The following EGF variants were observed in gnomAD, a reference collection of about 807,000 sequenced individuals.
EGF encodes epidermal growth factor, also known as pro-epidermal growth factor.
EGF carries 95 observed loss-of-function variants against 143.8 expected under a neutral mutation model. That is an observed-to-expected ratio of 0.66 (90% CI 0.56 to 0.78). EGF has a LOEUF of 0.78. EGF is among the 30% of genes least tolerant of loss of function. The probability of loss-of-function intolerance (pLI) is 0.00; values close to 1 mark genes in which losing one functional copy is unlikely to be tolerated. For missense variants in EGF, 1,320 were observed against 1,470.9 expected (o/e 0.90, Z 1.68); for synonymous variants, 510 against 510.5 (o/e 1.00, Z 0.01).
Position 109,941,152 on chromosome 4 carries a change from T to C in EGF, c.327+7T>C, listed in dbSNP as rs372956449. ...GAATGGGTCAAGGCAAGAGGTAAAATACCCTTACCTACAGTGTTTGAGCTG... is the reference window on the plus strand; with the variant it reads ...GAATGGGTCAAGGCAAGAGGTAAAACACCCTTACCTACAGTGTTTGAGCTG... On this transcript the variant is annotated splice_region_variant and intron_variant, in intron 2 of 23. Transcript: ENST00000265171. The C allele has an allele frequency of 1.9e-6, 3 of 1,612,902 alleles. No individual in the cohort carries two copies. The African/African-American group carries it at 4.0e-5, about 22-fold the overall frequency.
chr4:109,962,778 A>G lies in EGF; in HGVS notation c.1313-395A>G, dbSNP rs41521844. ...ATTGTGGAAATGTTTTAAAAAATCAACATATGGGCTGAGTGCAGTGGCTCA... is the reference window on the plus strand; with the variant it reads ...ATTGTGGAAATGTTTTAAAAAATCAGCATATGGGCTGAGTGCAGTGGCTCA... On this transcript the variant is annotated intron_variant, in intron 8 of 23. Coordinates refer to ENST00000265171, the MANE Select transcript of EGF (RefSeq NM_001963.6). Among the ~76,000 whole-genome samples, 135 of 152,284 alleles carry G rather than the reference A, an allele frequency of 8.9e-4. No individual in the cohort carries two copies. In the Middle Eastern group the frequency reaches 0.024, roughly 27 times the overall value.
chr4:109,931,511 C>T (rs549195192), intron 1 of EGF, among the ~76,000 whole-genome samples: 11 of 152,264 alleles, frequency 7.2e-5, no homozygotes, highest in African/African-American at 1.2e-4. Context: ...CACTAGATTG[C>T]GATTGCAGTA....
intron 11 of EGF, among the ~76,000 whole-genome samples, chr4:109,974,221 A>G (rs1748116148): frequency 1.3e-5 from 2 of 152,178 alleles, no homozygotes; most frequent in African/African-American, 4.8e-5. Context: ...ATGCCAAGGG[A>G]CAATTTTACT....
In EGF at chr4:109,957,301, A is replaced by T. The variant is rs536951835; in HGVS notation, c.941-2011A>T. 3.9e-5 allele frequency among the ~76,000 whole-genome samples: 6 copies of T among 152,318 alleles called. No homozygotes were observed. The South Asian group carries it at 1.2e-3, about 32-fold the overall frequency. On this transcript the variant is annotated intron_variant, in intron 5 of 23. Coordinates refer to ENST00000265171, the MANE Select transcript of EGF (RefSeq NM_001963.6). ...CCCCTGACGGATCAGGAGAGAGATG[A>T]TAGCCAAATCCCCAAACAGGTCAGC...
In EGF at chr4:109,993,311, G is replaced by A. The variant is rs1751299443; in HGVS notation, c.2799G>A (p.Glu933=). ...AGAATGCCAGCTGCACAAATACAGA[G>A]GGAGGCTATACCTGCATGTGTGCTG... is the stretch of plus-strand genomic sequence containing the variant. ...CGENASCTNT[E]GGYTCMCAGR... Residue 933 remains glutamate (E), a synonymous_variant, in exon 19 of 24, where the codon GAG becomes GAA. Transcript: ENST00000265171. 1.2e-6 allele frequency: 2 copies of A among 1,613,788 alleles called. No individual in the cohort carries two copies. Among genetic ancestry groups the A allele is most frequent in the South Asian group, 1.1e-5 (1 of 91,078 alleles).
At chr4:109,953,949 C>T (rs1458276295) in intron 5 of EGF, among the ~76,000 whole-genome samples, 1 of 152,144 alleles carries the variant, frequency 6.6e-6, no homozygotes, top group Non-Finnish European at 1.5e-5. Flanking sequence ...CTTGTATTTT[C>T]CATCTTCCTG....
At chr4:109,938,560 G>A (rs1173193882) in intron 1 of EGF, among the ~76,000 whole-genome samples, 13 of 152,186 alleles carry the variant, frequency 8.5e-5, no homozygotes, top group Admixed American at 8.5e-4. Context: ...TTCCCTTGCT[G>A]GCAAGGAATT....
intron 1 of EGF, among the ~76,000 whole-genome samples, chr4:109,918,742 T>A (rs901914438): frequency 3.3e-5 from 5 of 152,196 alleles, no homozygotes; most frequent in African/African-American, 1.2e-4. Context: ...GGACAGACTT[T>A]ACCTGAAGGT....
intron 8 of EGF, 87 bp downstream of exon 8, chr4:109,962,072 G>T: frequency 6.3e-7 from 1 of 1,584,340 alleles, no homozygotes; most frequent in Non-Finnish European, 8.6e-7. Flanking sequence ...TGTTGTCAAG[G>T]AAGAATTGAT....
At chr4:109,984,845 A>G (rs1749906380) in intron 16 of EGF, among the ~76,000 whole-genome samples, 1 of 152,202 alleles carries the variant, frequency 6.6e-6, no homozygotes, top group African/African-American at 2.4e-5. Context: ...GTTCTGGAAA[A>G]CTTCATTAAC....
chr4:109,965,590 A>G (rs1746423995), intron 10 of EGF, among the ~76,000 whole-genome samples: 1 of 152,166 alleles, frequency 6.6e-6, no homozygotes, highest in Admixed American at 6.5e-5. Flanking sequence ...TATTCTTACA[A>G]CAAGTGAATG....
chr4:109,983,591 C>A (rs372810503), intron 16 of EGF, 50 bp downstream of exon 16: 4 of 1,611,130 alleles, frequency 2.5e-6, no homozygotes, highest in Non-Finnish European at 3.4e-6. Flanking sequence ...CAGTTTCCAT[C>A]CTACCAATGA....
intron 5 of EGF, among the ~76,000 whole-genome samples, chr4:109,949,075 CTTT>C (rs1295112546): frequency 6.6e-6 from 1 of 151,342 alleles, no homozygotes; most frequent in Non-Finnish European, 1.5e-5. Context: ...AACTCTAGTT[CTTT>C]TTTTTTGAGA....
intron 1 of EGF, among the ~76,000 whole-genome samples, chr4:109,937,055 C>T (rs1179608884): frequency 6.6e-6 from 1 of 151,786 alleles, no homozygotes; most frequent in Non-Finnish European, 1.5e-5. Context: ...ATTAGGTCTG[C>T]TTGGTCCAGA....
chr4:109,935,753 T>C (rs1175115731), intron 1 of EGF, among the ~76,000 whole-genome samples: 1 of 152,094 alleles, frequency 6.6e-6, no homozygotes, highest in Non-Finnish European at 1.5e-5. Context: ...TTTTAGCATG[T>C]AAGGGTGTTG....
chr4:109,944,370 C>T (rs1406980171), intron 4 of EGF, among the ~76,000 whole-genome samples: 1 of 152,100 alleles, frequency 6.6e-6, no homozygotes, highest in African/African-American at 2.4e-5. Context: ...ACCCGGGAGG[C>T]GGAGCTTGCA....
chr4:109,932,756 A>G (rs1740015682), intron 1 of EGF, among the ~76,000 whole-genome samples: 1 of 152,126 alleles, frequency 6.6e-6, no homozygotes, highest in Non-Finnish European at 1.5e-5. Flanking sequence ...AACAATATAT[A>G]TTGGATACAT....
At chr4:110,009,326 G>T (rs1010125322) in intron 23 of EGF, among the ~76,000 whole-genome samples, 5 of 152,160 alleles carry the variant, frequency 3.3e-5, no homozygotes, top group African/African-American at 1.2e-4. Flanking sequence ...ATTTGCTTCA[G>T]TGCTTATTGT....
intron 17 of EGF, 26 bp downstream of exon 17, chr4:109,987,886 A>G (rs1750371559): frequency 6.5e-7 from 1 of 1,545,914 alleles, no homozygotes; most frequent in South Asian, 1.1e-5. Flanking sequence ...AAATTCACAT[A>G]TTTGGACAAT....
Sources: allele counts gnomAD v4.1 joint callset (sites outside exome capture counted in the v4.1 genomes callset), GRCh38; gene constraint gnomAD v4.1.1; transcripts MANE v1.5; gene names NCBI Gene and HGNC (gene_info 2026-07-23, HGNC 2026-07-21).